RNF111: variants seen among roughly 807,000 people sequenced by gnomAD.
RNF111 encodes the protein ring finger protein 111.
A neutral mutation model predicts 95.1 loss-of-function variants in RNF111; 17 were observed. That is an observed-to-expected ratio of 0.18 (90% CI 0.12 to 0.27). The LOEUF (loss-of-function observed/expected upper bound fraction) is 0.27, where lower values mean the gene tolerates loss of function less well. Among genes scored for constraint, RNF111 ranks in the 10% least tolerant of loss-of-function variants. RNF111 has a pLI of 1.00. For missense variants in RNF111, 1,189 were observed against 1,210.4 expected (o/e 0.98, Z 0.26); for synonymous variants, 440 against 414.8 (o/e 1.06, Z -0.74).
intron 1 of RNF111, among the ~76,000 whole-genome samples, chr15:59,030,017 A>G (rs957640700): frequency 6.6e-6 from 1 of 152,214 alleles, no homozygotes; most frequent in Non-Finnish European, 1.5e-5. Flanking sequence ...TTATTTTCAT[A>G]TGTACATTGC....
chr15:59,089,711 A>G lies in RNF111; in HGVS notation c.2595A>G (p.Ser865=). Residue 865 remains serine (S), a synonymous_variant, in exon 11 of 14, where the codon TCA becomes TCG. Coordinates refer to ENST00000348370, the MANE Select transcript of RNF111 (RefSeq NM_017610.8). Reference sequence around the variant, plus strand: ...ATCCTCACATCCGTTACATTTCATCAGGATTGGATGGAACATCATTCAGAG... The same window carrying G: ...ATCCTCACATCCGTTACATTTCATCGGGATTGGATGGAACATCATTCAGAG... The part of the protein sequence containing the change: ...AGYPHIRYIS[S]GLDGTSFRGP... 6.2e-7 allele frequency: 1 copy of G among 1,613,730 alleles called. No individual in the cohort carries two copies. Among genetic ancestry groups the G allele is most frequent in the Non-Finnish European group, 8.5e-7 (1 of 1,179,830 alleles).
At chr15:59,029,916 A>G (rs2040822618) in intron 1 of RNF111, among the ~76,000 whole-genome samples, 1 of 152,190 alleles carries the variant, frequency 6.6e-6, no homozygotes, top group South Asian at 2.1e-4. Flanking sequence ...TTGTTTATTC[A>G]TGTTTTGCAC....
At chr15:59,064,570 CTTTG>C (rs1177220027) in intron 5 of RNF111, among the ~76,000 whole-genome samples, 2 of 147,708 alleles carry the variant, frequency 1.4e-5, no homozygotes, top group Non-Finnish European at 3.0e-5. Flanking sequence ...AATTTGTCGA[CTTTG>C]TTTTTTTGTT....
intron 13 of RNF111, among the ~76,000 whole-genome samples, chr15:59,094,570 A>G (rs1026020976): frequency 1.3e-5 from 2 of 152,154 alleles, no homozygotes; most frequent in Non-Finnish European, 2.9e-5. Flanking sequence ...TTAAGATTTT[A>G]TATAATTTGG....
chr15:59,040,490 A>C (rs1404108322), intron 2 of RNF111, among the ~76,000 whole-genome samples: 4 of 152,196 alleles, frequency 2.6e-5, no homozygotes, highest in Non-Finnish European at 5.9e-5. Flanking sequence ...GAAAAAAATA[A>C]ATCTTTAATT....
chr15:59,003,119 C>T (rs2039396426), intron 1 of RNF111, among the ~76,000 whole-genome samples: 1 of 152,100 alleles, frequency 6.6e-6, no homozygotes, highest in African/African-American at 2.4e-5. Flanking sequence ...GTTTAATTTT[C>T]TTTTTTCTTT....
intron 1 of RNF111, among the ~76,000 whole-genome samples, chr15:58,993,247 A>C (rs1465143466): frequency 1.3e-5 from 2 of 151,502 alleles, no homozygotes; most frequent in Non-Finnish European, 2.9e-5. Context: ...AGTGGCTCAC[A>C]CCTGTAATCC....
intron 1 of RNF111, among the ~76,000 whole-genome samples, chr15:59,006,413 G>A (rs941324018): frequency 2.6e-5 from 4 of 152,112 alleles, no homozygotes; most frequent in Admixed American, 2.0e-4. Flanking sequence ...TGACATCATA[G>A]ATGAGTTTTC....
At chr15:59,092,746 C>A in intron 13 of RNF111, 106 bp downstream of exon 13, 1 of 1,178,520 alleles carries the variant, frequency 8.5e-7, no homozygotes, top group Non-Finnish European at 1.2e-6. Context: ...GTAATTCCAG[C>A]ACTTTTTGAG....
chr15:59,077,540 CTTG>C (rs2078602334), intron 7 of RNF111, among the ~76,000 whole-genome samples: 1 of 152,036 alleles, frequency 6.6e-6, no homozygotes, highest in African/African-American at 2.4e-5. Context: ...TATTCTACTT[CTTG>C]TTTTTTGTTT....
At chr15:59,092,929 G>T (rs1245668286) in intron 13 of RNF111, among the ~76,000 whole-genome samples, 2 of 152,194 alleles carry the variant, frequency 1.3e-5, no homozygotes, top group Non-Finnish European at 2.9e-5. Context: ...AAGCCCAGGA[G>T]TTTGAGACTG....
At chr15:59,055,441 A>G (rs2042162766) in intron 3 of RNF111, among the ~76,000 whole-genome samples, 1 of 152,206 alleles carries the variant, frequency 6.6e-6, no homozygotes, top group Non-Finnish European at 1.5e-5. Flanking sequence ...CATGGAAGAG[A>G]GAGTAGCATT....
At chr15:58,994,106 T>G (rs2038941131) in intron 1 of RNF111, among the ~76,000 whole-genome samples, 1 of 149,490 alleles carries the variant, frequency 6.7e-6, no homozygotes, top group Non-Finnish European at 1.5e-5. Flanking sequence ...GGCCCCATCT[T>G]GGCTCATTGT....
At chr15:59,016,093 T>C (rs1275581627) in intron 1 of RNF111, among the ~76,000 whole-genome samples, 8 of 151,822 alleles carry the variant, frequency 5.3e-5, no homozygotes, top group African/African-American at 1.9e-4. Context: ...CACCTTGGCC[T>C]CCAAGAGTGC....
chr15:59,052,343 T>G lies in RNF111; in HGVS notation c.919T>G (p.Ser307Ala). 4.4e-6 allele frequency: 7 copies of G among 1,603,600 alleles called. No homozygotes were observed. Among genetic ancestry groups the G allele is most frequent in the Non-Finnish European group, 6.0e-6 (7 of 1,175,764 alleles). The change falls in exon 3 of 14, where the codon TCC (serine) becomes GCC (alanine). Residue 307 changes from serine (S) to alanine (A), a missense_variant. By Grantham distance (99) the Ser-to-Ala change is moderately conservative. This residue lies in a region of RNF111 where 1,024 missense variants were observed against 925.9 expected (regional missense o/e 1.11). Transcript: ENST00000348370. Reference sequence around the variant, plus strand: ...AGATGTTGTGGTGATAGAAGCTTCCTCCACTCCCCAGGTTACTGCCAATGA... The same window carrying G: ...AGATGTTGTGGTGATAGAAGCTTCCGCCACTCCCCAGGTTACTGCCAATGA... ...DEDVVVIEAS[S>A]TPQVTANEEI...
In RNF111 at chr15:59,089,648, A is replaced by C. The variant is rs7177112; in HGVS notation, c.2551-19A>C. On this transcript the variant is annotated intron_variant, in intron 10 of 13. Transcript: ENST00000348370. ...TCTATTCTTAAAATTGATTTAGCCT[A>C]TCTCTTCTGTTGAAATAGGTTCCTG... 1.2e-5 allele frequency: 19 copies of C among 1,572,230 alleles called. No individual in the cohort carries two copies. Among genetic ancestry groups the C allele is most frequent in the Non-Finnish European group, 1.4e-5 (16 of 1,143,424 alleles).
At chr15:59,070,653 G>T (rs1464324474) in intron 6 of RNF111, among the ~76,000 whole-genome samples, 1 of 152,140 alleles carries the variant, frequency 6.6e-6, no homozygotes. Context: ...ATACTTGATT[G>T]TAGATAAATA....
At chr15:59,033,250 CTCT>C (rs1173219760) in intron 2 of RNF111, among the ~76,000 whole-genome samples, 4 of 152,220 alleles carry the variant, frequency 2.6e-5, no homozygotes, top group South Asian at 2.1e-4. Flanking sequence ...ATTTCTTCTT[CTCT>C]TCTTCTTCTT....
intron 6 of RNF111, among the ~76,000 whole-genome samples, chr15:59,070,327 T>C (rs1230134985): frequency 5.3e-5 from 8 of 152,124 alleles, no homozygotes; most frequent in Non-Finnish European, 1.2e-4. Context: ...ACTGTTTTTA[T>C]TTTCCCTTTA....
Sources: gnomAD v4.1 joint callset for allele counts (sites outside exome capture counted in the v4.1 genomes callset) on GRCh38, gnomAD v4.1.1 for gene constraint, gnomAD v4.1.1 regional missense constraint, MANE v1.5 for transcripts, NCBI Gene and HGNC (gene_info 2026-07-23, HGNC 2026-07-21) for gene names.